Variants in MAP3K7CL observed in about 807,000 individuals in gnomAD.
MAP3K7CL encodes the protein MAP3K7 C-terminal-like protein.
A neutral mutation model predicts 18.6 loss-of-function variants in MAP3K7CL; 16 were observed. That is an observed-to-expected ratio of 0.86 (90% CI 0.58 to 1.31). The LOEUF (loss-of-function observed/expected upper bound fraction) is 1.31. MAP3K7CL is among the 50% of genes most tolerant of loss of function. MAP3K7CL has a pLI of 0.00. For missense variants in MAP3K7CL, 163 were observed against 174.4 expected, an observed-to-expected ratio of 0.93 and a Z score of 0.37; for synonymous variants, 65 against 66.8, an observed-to-expected ratio of 0.97 and a Z score of 0.13.
chr21:29,128,684 G>A (rs923811315), upstream of MAP3K7CL, among the ~76,000 whole-genome samples: 2 of 152,060 alleles, frequency 1.3e-5, no homozygotes, highest in African/African-American at 4.8e-5. Flanking sequence ...TCCTATCTGG[G>A]TTCTTAATTC....
intron 4 of MAP3K7CL, among the ~76,000 whole-genome samples, chr21:29,122,379 G>GT (rs2086609801): frequency 6.6e-6 from 1 of 152,208 alleles, no homozygotes; most frequent in Non-Finnish European, 1.5e-5. Flanking sequence ...TGGCTTAAGT[G>GT]TTTAACAGCT....
At chr21:29,079,166 C>G (rs375672961) in intron 1 of MAP3K7CL, among the ~76,000 whole-genome samples, 8 of 152,342 alleles carry the variant, frequency 5.3e-5, no homozygotes, top group African/African-American at 1.7e-4. Context: ...TGAGAAACTG[C>G]TTCATGACAG....
At chr21:29,139,322 A>C (rs989291763) in intron 2 of MAP3K7CL, 1 of 152,242 alleles carries the variant, frequency 6.6e-6, no homozygotes, top group Non-Finnish European at 1.5e-5. Flanking sequence ...AAGAGAAGGA[A>C]CAAAGAAATC....
intron 4 of MAP3K7CL, among the ~76,000 whole-genome samples, chr21:29,163,231 C>T (rs2087598192): frequency 1.3e-5 from 2 of 152,360 alleles, no homozygotes; most frequent in South Asian, 4.1e-4. Context: ...CGGACCCCCT[C>T]CTTAATTACT....
upstream of MAP3K7CL, among the ~76,000 whole-genome samples, chr21:29,126,830 G>A (rs975346289): frequency 2.0e-5 from 3 of 152,166 alleles, no homozygotes; most frequent in Admixed American, 6.5e-5. Context: ...TAATGGAAGA[G>A]TGATTATTTT....
chr21:29,082,669 C>A (rs1042911572), upstream of MAP3K7CL, among the ~76,000 whole-genome samples: 3 of 152,172 alleles, frequency 2.0e-5, no homozygotes, highest in African/African-American at 7.2e-5. Flanking sequence ...TGTGGCCACA[C>A]CCAGGATCAG....
At chr21:29,120,997 T>C (rs1053877396) in intron 4 of MAP3K7CL, among the ~76,000 whole-genome samples, 1 of 139,988 alleles carries the variant, frequency 7.1e-6, no homozygotes, top group African/African-American at 2.7e-5. Flanking sequence ...GCCTCGGAGG[T>C]TGAGGCATCA....
At chr21:29,085,341 C>T (rs571113145), upstream of MAP3K7CL, among the ~76,000 whole-genome samples, 8 of 152,162 alleles carry the variant, frequency 5.3e-5, no homozygotes, top group Admixed American at 2.0e-4. Context: ...TTGCATTGCA[C>T]GTAGCCGTGT....
chr21:29,149,132 A>T, intron 2 of MAP3K7CL, 57 bp from the exon 3 acceptor site: 1 of 1,408,484 alleles, frequency 7.1e-7, no homozygotes, highest in Non-Finnish European at 1.0e-6. Context: ...GGGGAGTCCA[A>T]GGACTCCTAC....
chr21:29,159,836 A>T, intron 3 of MAP3K7CL, 105 bp from the exon 4 acceptor site: 1 of 778,788 alleles, frequency 1.3e-6, no homozygotes, highest in Non-Finnish European at 2.1e-6. Flanking sequence ...AAAAAAAAAA[A>T]AGAAGAAGAA....
At chr21:29,104,061 T>A (rs2086278762) in intron 4 of MAP3K7CL, among the ~76,000 whole-genome samples, 1 of 152,136 alleles carries the variant, frequency 6.6e-6, no homozygotes, top group Admixed American at 6.6e-5. Context: ...ACTCTTGCCA[T>A]GATGTTGTTT....
At chr21:29,094,927 C>T (rs2086094108) in intron 4 of MAP3K7CL, among the ~76,000 whole-genome samples, 1 of 152,088 alleles carries the variant, frequency 6.6e-6, no homozygotes, top group Non-Finnish European at 1.5e-5. Flanking sequence ...GGCATGGTGG[C>T]ATGCACCTGC....
rs568553764 is a variant in MAP3K7CL, at chr21:29,161,628, A to G, written c.248+1572A>G. Among the ~76,000 whole-genome samples, 3 of 152,326 alleles carry G rather than the reference A, an allele frequency of 2.0e-5. No individual in the cohort carries two copies. The East Asian group carries it at 5.8e-4, about 29-fold the overall frequency. ...CAGTATTGAAGTCAAAGGAAGATTTATATAATCAATAGCCTGTGAATAAAT... is the reference window on the plus strand; with the variant it reads ...CAGTATTGAAGTCAAAGGAAGATTTGTATAATCAATAGCCTGTGAATAAAT... On this transcript the variant is annotated intron_variant, in intron 4 of 4. Coordinates refer to ENST00000399928, the MANE Select transcript of MAP3K7CL (RefSeq NM_001286620.2).
chr21:29,078,833 T>G (rs2085791048), intron 1 of MAP3K7CL, among the ~76,000 whole-genome samples: 1 of 152,188 alleles, frequency 6.6e-6, no homozygotes, highest in East Asian at 1.9e-4. Context: ...GTCCCACAGC[T>G]CCACTTAGTT....
At chr21:29,099,691 A>T (rs1176003059) in intron 4 of MAP3K7CL, among the ~76,000 whole-genome samples, 1 of 152,114 alleles carries the variant, frequency 6.6e-6, no homozygotes. Context: ...CTGTGAAGAT[A>T]TTGCAACATA....
rs557214366 is a variant in MAP3K7CL, at chr21:29,100,574, G to T, written c.370+7993G>T. 7.2e-5 allele frequency among the ~76,000 whole-genome samples: 11 copies of T among 152,004 alleles called. 1 individual carries two copies. The South Asian group carries it at 1.9e-3, about 26-fold the overall frequency. On this transcript the variant is annotated intron_variant, in intron 4 of 6. Transcript: ENST00000286791. ...GTCTCCGTTTTCTCTGTAAAATGAAGATGATAATAGTTAGATCACAGAGTT... is the reference window on the plus strand; with the variant it reads ...GTCTCCGTTTTCTCTGTAAAATGAATATGATAATAGTTAGATCACAGAGTT...
At chr21:29,102,452 G>A (rs917497107) in intron 4 of MAP3K7CL, 3 of 147,286 alleles carry the variant, frequency 2.0e-5, no homozygotes, top group Non-Finnish European at 4.5e-5. Flanking sequence ...TATCAAGACT[G>A]ACTTGATTCT....
intron 3 of MAP3K7CL, among the ~76,000 whole-genome samples, chr21:29,151,888 TAA>T (rs2087284377): frequency 6.6e-6 from 1 of 152,220 alleles, no homozygotes; most frequent in African/African-American, 2.4e-5. Context: ...TGTTAGAAAT[TAA>T]GTCTATTTAA....
intron 1 of MAP3K7CL, among the ~76,000 whole-genome samples, chr21:29,090,749 G>A (rs1465503566): frequency 6.6e-6 from 1 of 151,628 alleles, no homozygotes; most frequent in Non-Finnish European, 1.5e-5. Context: ...CAAGCCTGTG[G>A]CCTTCCTCAC....
Sources: gnomAD v4.1 joint callset for allele counts (sites outside exome capture counted in the v4.1 genomes callset) on GRCh38, gnomAD v4.1.1 for gene constraint, MANE v1.5 for transcripts, NCBI Gene and HGNC (gene_info 2026-07-23, HGNC 2026-07-21) for gene names.